Variants in SMARCD3 observed in about 807,000 individuals in gnomAD.
The protein encoded by SMARCD3 is SWI/SNF related BAF chromatin remodeling complex subunit D3, also known as SWI/SNF-related matrix-associated actin-dependent regulator of chromatin subfamily D member 3.
A neutral mutation model predicts 58.0 loss-of-function variants in SMARCD3; 14 were observed. The ratio of observed to expected loss-of-function variants is 0.24; its 90% CI spans 0.16 to 0.38. SMARCD3 has a LOEUF of 0.38. Among genes scored for constraint, SMARCD3 ranks in the 10% least tolerant of loss-of-function variants. SMARCD3 has a pLI of 1.00. For missense variants in SMARCD3, 408 were observed against 636.9 expected (o/e 0.64, Z 3.87); for synonymous variants, 253 against 253.8 (o/e 1.00, Z 0.03).
At chr7:151,244,528 A>G (rs1286184747) in intron 2 of SMARCD3, among the ~76,000 whole-genome samples, 1 of 152,158 alleles carries the variant, frequency 6.6e-6, no homozygotes, top group Admixed American at 6.5e-5. Flanking sequence ...CTATGCAGAA[A>G]TCTAAGGCTA....
At chr7:151,252,492 AAG>A (rs1036158791), upstream of SMARCD3, among the ~76,000 whole-genome samples, 3 of 151,094 alleles carry the variant, frequency 2.0e-5, no homozygotes, top group Admixed American at 6.6e-5. Context: ...GAGAGAAAGA[AAG>A]AGAGAGGGAG....
At chr7:151,276,037 G>A (rs1313624333) in intron 1 of SMARCD3, among the ~76,000 whole-genome samples, 1 of 151,710 alleles carries the variant, frequency 6.6e-6, no homozygotes, top group Non-Finnish European at 1.5e-5. Flanking sequence ...GGAGGCTGGA[G>A]ACAGGGAGTG....
intron 2 of SMARCD3, among the ~76,000 whole-genome samples, chr7:151,258,449 C>G (rs1803778085): frequency 6.6e-6 from 1 of 151,540 alleles, no homozygotes; most frequent in African/African-American, 2.4e-5. Context: ...ACTGTAATCC[C>G]AGCTACTTGG....
rs1242295038 is a variant in SMARCD3 at position 151,248,676 on chromosome 7, A to C, written c.-114T>G. 3 of 1,449,722 alleles carry C rather than the reference A, an allele frequency of 2.1e-6. No homozygotes were observed. Among genetic ancestry groups the C allele is most frequent in the Admixed American group, 2.3e-5 (1 of 44,234 alleles). 89.8% of individuals were successfully genotyped at this position (1,449,722 alleles called of 1,614,324 possible). On this transcript the variant is annotated 5_prime_UTR_variant, in exon 1 of 13. Transcript: ENST00000262188. This position sits in a 1 kb window ranked among gnomAD's most constrained non-coding sequence, Gnocchi z 6.1. Reference sequence around the variant, plus strand: ...TCTGAGTCCTGCTGGGCTCTCTCACACTTCTACTCGAGCGGAGTGGGGAGG... The same window carrying C: ...TCTGAGTCCTGCTGGGCTCTCTCACCCTTCTACTCGAGCGGAGTGGGGAGG...
At position 151,239,419 on chromosome 7, in the gene SMARCD3, C is replaced by T. The variant is rs774864067; in HGVS notation, c.1375G>A (p.Val459Ile). 1.2e-5 allele frequency: 20 copies of T among 1,613,598 alleles called. No individual in the cohort carries two copies. Among genetic ancestry groups the T allele is most frequent in the East Asian group, 2.2e-5 (1 of 44,862 alleles). The change falls in exon 12 of 13, where the codon GTC becomes ATC. Residue 459 changes from valine (V) to isoleucine (I), a missense_variant. Coordinates refer to ENST00000262188, the MANE Select transcript of SMARCD3 (RefSeq NM_001003801.2). This position sits in a 1 kb window ranked among gnomAD's most constrained non-coding sequence, Gnocchi z 7.0. ...FYHQPWSQEA[V>I]SRYFYCKIQQ... The stretch of plus-strand genomic sequence containing the variant: ...ACCTTGCAGTAGAAGTAGCGACTGA[C>T]GGCCTCCTGGGACCAGGGCTGGTGG...
In SMARCD3 at chr7:151,240,217, C is replaced by T. The variant is rs149969152; in HGVS notation, c.1068G>A (p.Ala356=). The change falls in exon 10 of 13, where the codon GCG becomes GCA. Residue 356 remains alanine (A), a synonymous_variant. Coordinates refer to ENST00000262188, the MANE Select transcript of SMARCD3 (RefSeq NM_001003801.2). ...SVDPSDQKKT[A]CYDIDVEVEE... ...CCACCTCCACGTCAATGTCATAGCA[C>T]GCCGTCTTCTTCTGGTCTGAAGGGT... The T allele has an allele frequency of 5.9e-5, 95 of 1,614,002 alleles. No individual in the cohort carries two copies. Among genetic ancestry groups the T allele is most frequent in the Admixed American group, 2.8e-4 (17 of 59,994 alleles).
chr7:151,245,267 G>A lies in SMARCD3; in HGVS notation c.290+193C>T, dbSNP rs1299537873. On this transcript the variant is annotated intron_variant, in intron 2 of 12. Coordinates refer to ENST00000262188, the MANE Select transcript of SMARCD3 (RefSeq NM_001003801.2). This position sits in a 1 kb window ranked among gnomAD's most constrained non-coding sequence, Gnocchi z 6.2. ...GCCGACGCCGCAGCCTGTCTCTACC[G>A]TGGGCACACAAAAGAATCAGGCCGG... Among the ~76,000 whole-genome samples, 1 of 151,912 alleles carries A rather than the reference G, an allele frequency of 6.6e-6. No individual in the cohort carries two copies. Among genetic ancestry groups the A allele is most frequent in the Non-Finnish European group, 1.5e-5 (1 of 68,012 alleles).
At chr7:151,275,776 C>T (rs1795320933) in intron 1 of SMARCD3, among the ~76,000 whole-genome samples, 2 of 152,188 alleles carry the variant, frequency 1.3e-5, no homozygotes, top group South Asian at 4.1e-4. Flanking sequence ...TCCTGCCCTG[C>T]TTCCTTCCTT....
At chr7:151,256,802 A>G (rs1234785821) in intron 2 of SMARCD3, among the ~76,000 whole-genome samples, 1 of 152,122 alleles carries the variant, frequency 6.6e-6, no homozygotes, top group African/African-American at 2.4e-5. Context: ...AAGAACTTCC[A>G]GAGCCTCCCA....
intron 2 of SMARCD3, among the ~76,000 whole-genome samples, chr7:151,263,029 T>G (rs917741469): frequency 2.0e-5 from 3 of 152,198 alleles, no homozygotes; most frequent in African/African-American, 7.2e-5. Context: ...GCTCAATTAA[T>G]GTTCACAGTC....
Position 151,239,480 on chromosome 7 carries a change from G to T in SMARCD3, c.1314C>A (p.Ala438=). The T allele has an allele frequency of 6.2e-7, 1 of 1,613,674 alleles. No individual in the cohort carries two copies. ...CCCGGCGCTCCTCTTCAGGGTTGCC[G>T]GCTACATCTGTCATCACCTGGGAGG... The part of the protein sequence containing the change: ...SRDLKVMTDV[A]GNPEEERRAE... The change falls in exon 12 of 13, where the codon GCC becomes GCA. Residue 438 remains alanine (A), a synonymous_variant. Coordinates refer to ENST00000262188, the MANE Select transcript of SMARCD3 (RefSeq NM_001003801.2). The surrounding 1 kb of genome is among the most constrained non-coding windows in gnomAD (Gnocchi z 7.0).
At chr7:151,252,419 G>A (rs1162775338), upstream of SMARCD3, among the ~76,000 whole-genome samples, 2 of 116,452 alleles carry the variant, frequency 1.7e-5, no homozygotes, top group African/African-American at 3.7e-5. Flanking sequence ...CGGCCTGAGT[G>A]AGTGTGTGTG....
At chr7:151,262,884 A>T (rs1803961646) in intron 2 of SMARCD3, among the ~76,000 whole-genome samples, 1 of 149,438 alleles carries the variant, frequency 6.7e-6, no homozygotes, top group Non-Finnish European at 1.5e-5. Context: ...CCCAAGACTC[A>T]TGCTTTATCT....
chr7:151,259,180 C>T (rs1390306408), intron 2 of SMARCD3, among the ~76,000 whole-genome samples: 5 of 151,880 alleles, frequency 3.3e-5, no homozygotes, highest in South Asian at 2.1e-4. Flanking sequence ...GGTGAAACCC[C>T]GTCTCTACTA....
At chr7:151,258,563 T>TA (rs71196743) in intron 2 of SMARCD3, among the ~76,000 whole-genome samples, 54,971 of 116,450 alleles carry the variant, frequency 0.47, 12,412 homozygotes, top group East Asian at 0.82. Flanking sequence ...AGACTCTGCC[T>TA]AAAAAAAAAA....
rs1803235738 is a variant in SMARCD3 at position 151,245,864 on chromosome 7, G to A, written c.79-193C>T. ...CGGAATCTGCGCGGCTCTGGCGGAG[G>A]GGCTTGGCGTCTGGCTGCAGGAAGC... is the stretch of plus-strand genomic sequence containing the variant. On this transcript the variant is annotated intron_variant, in intron 1 of 12. Transcript: ENST00000262188. The surrounding 1 kb of genome is among the most constrained non-coding windows in gnomAD (Gnocchi z 6.2). 5.2e-6 allele frequency: 2 copies of A among 381,612 alleles called. No individual in the cohort carries two copies. Among genetic ancestry groups the A allele is most frequent in the African/African-American group, 4.2e-5 (2 of 47,906 alleles). 23.6% of individuals were successfully genotyped at this position (381,612 alleles called of 1,614,324 possible). A position where few individuals can be genotyped will look rare whatever the true frequency, so the allele number is the denominator to read the frequency against.
chr7:151,255,538 T>C (rs1803672190), intron 2 of SMARCD3, among the ~76,000 whole-genome samples: 1 of 152,094 alleles, frequency 6.6e-6, no homozygotes, highest in Admixed American at 6.5e-5. Flanking sequence ...CTTCCAGACA[T>C]CTCTGGCCTC....
rs911466171 is a variant in SMARCD3, at chr7:151,241,075, C to T, written c.939+417G>A. ...ATCACTTTTGCAGCAATTTGATTTTCCTAACTGCCCAGGAGAGTAGATAGG... is the reference window on the plus strand; with the variant it reads ...ATCACTTTTGCAGCAATTTGATTTTTCTAACTGCCCAGGAGAGTAGATAGG... On this transcript the variant is annotated intron_variant, in intron 8 of 12. Coordinates refer to ENST00000262188, the MANE Select transcript of SMARCD3 (RefSeq NM_001003801.2). The surrounding 1 kb of genome is among the most constrained non-coding windows in gnomAD (Gnocchi z 5.3). 4.8e-5 allele frequency: 11 copies of T among 228,980 alleles called. No individual in the cohort carries two copies. In the Admixed American group the frequency reaches 5.7e-4, roughly 12 times the overall value. The allele number at this position is 228,980 out of a possible 1,614,324, so 14.2% of individuals were successfully genotyped here. A position where few individuals can be genotyped will look rare whatever the true frequency, so the allele number is the denominator to read the frequency against.
intron 2 of SMARCD3, among the ~76,000 whole-genome samples, chr7:151,266,552 G>C (rs1804085511): frequency 6.6e-6 from 1 of 152,208 alleles, no homozygotes; most frequent in Non-Finnish European, 1.5e-5. Context: ...GAAAGGGACA[G>C]GAAGCAAGAC....
Sources: gnomAD v4.1 joint callset for allele counts (sites outside exome capture counted in the v4.1 genomes callset) on GRCh38, gnomAD v4.1.1 for gene constraint, Gnocchi (gnomAD v3.1) non-coding constraint, MANE v1.5 for transcripts, NCBI Gene and HGNC (gene_info 2026-07-23, HGNC 2026-07-21) for gene names.